GLMN: variants seen among roughly 807,000 people sequenced by gnomAD.
GLMN encodes the protein glomulin, FKBP associated protein.
Under a neutral mutation model 87.8 loss-of-function variants are expected in GLMN, and 75 were observed. The ratio of observed to expected loss-of-function variants is 0.85; its 90% CI spans 0.71 to 1.04. The LOEUF (loss-of-function observed/expected upper bound fraction) is 1.04. Ranked by LOEUF, GLMN falls within the 50% of genes least tolerant of loss-of-function variation. The pLI, the probability that GLMN is intolerant of heterozygous loss-of-function variation, is 0.00. For missense variants in GLMN, 588 were observed against 658.8 expected, an observed-to-expected ratio of 0.89 and a Z score of 1.18; for synonymous variants, 206 against 221.6, an observed-to-expected ratio of 0.93 and a Z score of 0.63.
Position 92,298,949 on chromosome 1 carries a change from G to A in GLMN, c.-55C>T, listed in dbSNP as rs1478139708. Reference sequence around the variant, plus strand: ...CCGGCCAGAACCCTCGCCTCTCCCAGCCGCCGCCACCTCCTCCGGCGTCTT... The same window carrying A: ...CCGGCCAGAACCCTCGCCTCTCCCAACCGCCGCCACCTCCTCCGGCGTCTT... On this transcript the variant is annotated 5_prime_UTR_variant, in exon 1 of 19. Transcript: ENST00000370360. 8 of 492,400 alleles carry A rather than the reference G, an allele frequency of 1.6e-5. No individual in the cohort carries two copies. The highest frequency in any genetic ancestry group is 2.2e-5 in the Non-Finnish European group (6 of 276,188). 30.5% of individuals were successfully genotyped at this position (492,400 alleles called of 1,614,324 possible). A position where few individuals can be genotyped will look rare whatever the true frequency, so the allele number is the denominator to read the frequency against.
At chr1:92,267,191 A>G (rs1393392740) in intron 11 of GLMN, among the ~76,000 whole-genome samples, 1 of 152,176 alleles carries the variant, frequency 6.6e-6, no homozygotes, top group African/African-American at 2.4e-5. Context: ...GGAAAAACAC[A>G]ATGTGTATTA....
the GLMN span, among the ~76,000 whole-genome samples, chr1:92,341,057 G>T: frequency 6.6e-6 from 1 of 151,978 alleles, no homozygotes; most frequent in Non-Finnish European, 1.5e-5. Flanking sequence ...CACCCAGGTT[G>T]GACTGCCGTG....
At chr1:92,260,218 C>T (rs920117982) in intron 16 of GLMN, among the ~76,000 whole-genome samples, 1 of 152,142 alleles carries the variant, frequency 6.6e-6, no homozygotes, top group African/African-American at 2.4e-5. Context: ...CCAGCTTGGA[C>T]TGGGTTTTTG....
chr1:92,324,788 G>A, the GLMN span, among the ~76,000 whole-genome samples: 4 of 152,098 alleles, frequency 2.6e-5, no homozygotes. Context: ...AGTTACATTG[G>A]AAAATATTTA....
chr1:92,273,861 C>T (rs902814144), intron 7 of GLMN, among the ~76,000 whole-genome samples: 2 of 152,102 alleles, frequency 1.3e-5, no homozygotes, highest in Admixed American at 1.3e-4. Context: ...CACTATCTAT[C>T]CACACACCAT....
the GLMN span, chr1:92,336,518 T>A: frequency 1.2e-6 from 1 of 829,746 alleles, no homozygotes; most frequent in Non-Finnish European, 2.0e-6. Flanking sequence ...AGTAAGTGAC[T>A]TACCTTTCAA....
chr1:92,299,164 T>G, upstream of GLMN: 4 of 1,466,890 alleles, frequency 2.7e-6, no homozygotes, highest in Non-Finnish European at 3.7e-6. Context: ...CAAGGATCTC[T>G]TCCCACTTTT....
the GLMN span, among the ~76,000 whole-genome samples, chr1:92,330,573 A>G: frequency 6.8e-6 from 1 of 147,992 alleles, no homozygotes; most frequent in African/African-American, 2.5e-5. Context: ...TCAGCCTCCC[A>G]AGTAGCTGGG....
the GLMN span, among the ~76,000 whole-genome samples, chr1:92,338,943 C>G: frequency 1.3e-5 from 2 of 152,054 alleles, no homozygotes; most frequent in Non-Finnish European, 1.5e-5. Flanking sequence ...TGCCATTCAC[C>G]CTCCTGCAGA....
chr1:92,327,899 T>G, the GLMN span, among the ~76,000 whole-genome samples: 1 of 152,240 alleles, frequency 6.6e-6, no homozygotes, highest in African/African-American at 2.4e-5. Flanking sequence ...AGACTATCTT[T>G]CCTTCATTTA....
chr1:92,296,494 C>G (rs1650072194), intron 3 of GLMN, among the ~76,000 whole-genome samples: 1 of 152,134 alleles, frequency 6.6e-6, no homozygotes, highest in Admixed American at 6.5e-5. Context: ...TGAGAACTCA[C>G]TCCCTATCAT....
At chr1:92,248,100 T>C in intron 16 of GLMN, 111 bp from the exon 17 acceptor site, 1 of 679,424 alleles carries the variant, frequency 1.5e-6, no homozygotes, top group Non-Finnish European at 2.7e-6. Flanking sequence ...CCCTTGCTTT[T>C]CACAATGGAC....
At chr1:92,339,704 T>A in the GLMN span, among the ~76,000 whole-genome samples, 3 of 152,138 alleles carry the variant, frequency 2.0e-5, no homozygotes, top group African/African-American at 4.8e-5. Context: ...TTGTGTTTTT[T>A]AAAATATTAT....
intron 9 of GLMN, among the ~76,000 whole-genome samples, chr1:92,268,609 A>G (rs919576362): frequency 6.6e-6 from 1 of 152,266 alleles, no homozygotes; most frequent in Non-Finnish European, 1.5e-5. Flanking sequence ...AAAATCATTA[A>G]AACATACATA....
intron 3 of GLMN, among the ~76,000 whole-genome samples, chr1:92,292,703 G>A (rs1287072726): frequency 2.7e-5 from 4 of 146,006 alleles, no homozygotes; most frequent in South Asian, 2.2e-4. Context: ...GATTACAGGC[G>A]TGAGCCACCG....
intron 13 of GLMN, among the ~76,000 whole-genome samples, chr1:92,265,414 T>G (rs1655509304): frequency 6.6e-6 from 1 of 151,662 alleles, no homozygotes; most frequent in African/African-American, 2.4e-5. Context: ...GGAAAGCCGG[T>G]ATAATACCTA....
the GLMN span, chr1:92,304,252 T>C: frequency 7.3e-7 from 1 of 1,362,634 alleles, no homozygotes; most frequent in Admixed American, 1.9e-5. Flanking sequence ...ATTATTTGGA[T>C]TCTTTTGTAA....
chr1:92,281,733 T>C (rs757701148), intron 7 of GLMN, among the ~76,000 whole-genome samples: 119 of 151,536 alleles, frequency 7.9e-4, no homozygotes, highest in Non-Finnish European at 1.2e-3. Flanking sequence ...CCATCTCACA[T>C]GCAAAGATGC....
At chr1:92,257,761 G>GACTT (rs1654454617) in intron 16 of GLMN, among the ~76,000 whole-genome samples, 1 of 152,076 alleles carries the variant, frequency 6.6e-6, no homozygotes, top group African/African-American at 2.4e-5. Context: ...ATGGATTAAA[G>GACTT]ACTTAAACAT....
Sources: allele counts gnomAD v4.1 joint callset (sites outside exome capture counted in the v4.1 genomes callset), GRCh38; gene constraint gnomAD v4.1.1; transcripts MANE v1.5; gene names NCBI Gene and HGNC (gene_info 2026-07-23, HGNC 2026-07-21).